Variants in NLK observed in about 807,000 individuals in gnomAD.
The protein encoded by NLK is nemo like kinase.
NLK carries 11 observed loss-of-function variants against 59.0 expected under a neutral mutation model. The ratio of observed to expected loss-of-function variants is 0.19; its 90% CI spans 0.12 to 0.31. The LOEUF is 0.31. Among genes scored for constraint, NLK ranks in the 10% least tolerant of loss-of-function variants. The pLI, the probability that NLK is intolerant of heterozygous loss-of-function variation, is 1.00. For synonymous variants in NLK, 235 were observed against 235.9 expected, an observed-to-expected ratio of 1.00 and a Z score of 0.03; for missense variants, 410 against 661.1, an observed-to-expected ratio of 0.62 and a Z score of 4.16.
Position 28,168,616 on chromosome 17 carries a change from G to A in NLK, c.1006G>A (p.Gly336Arg). The A allele has an allele frequency of 1.2e-6, 2 of 1,613,822 alleles. No homozygotes were observed. Among genetic ancestry groups the A allele is most frequent in the Non-Finnish European group, 1.7e-6 (2 of 1,179,836 alleles). ...GGGATGTATCTTTGCAGAACTACTA[G>A]GACGAAGAATATTGTTTCAGGCACA... The part of the protein sequence containing the change: ...SVGCIFAELL[G>R]RRILFQAQSP... Residue 336 changes from glycine to arginine, a missense_variant, in exon 6 of 11, where the codon GGA (glycine) becomes AGA (arginine). By Grantham distance (125) the Gly-to-Arg change is moderately radical (BLOSUM62 -2). Transcript: ENST00000407008.
Position 28,176,555 on chromosome 17 carries a change from A to G in NLK, c.1149+3937A>G, listed in dbSNP as rs1908688878. Among the ~76,000 whole-genome samples the G allele has an allele frequency of 3.3e-5, 5 of 152,312 alleles. No individual in the cohort carries two copies. In the South Asian group the frequency reaches 1.0e-3, roughly 32 times the overall value. ...TTAACAGAAGTTAAATAACATGCCT[A>G]ATGTCATAAGCCAGATGTTAAAATT... On this transcript the variant is annotated intron_variant, in intron 7 of 10. Transcript: ENST00000407008.
At chr17:28,071,127 C>CA (rs1281724745) in intron 1 of NLK, among the ~76,000 whole-genome samples, 2 of 152,090 alleles carry the variant, frequency 1.3e-5, no homozygotes, top group African/African-American at 4.8e-5. Flanking sequence ...GTGTGATAAT[C>CA]AAAAAATGTC....
At chr17:28,180,483 T>C (rs994083448) in intron 7 of NLK, among the ~76,000 whole-genome samples, 13 of 152,152 alleles carry the variant, frequency 8.5e-5, no homozygotes, top group African/African-American at 3.1e-4. Flanking sequence ...GCAATGATGT[T>C]AGGAGGCAGG....
At chr17:28,107,131 A>G (rs1048225560) in intron 1 of NLK, among the ~76,000 whole-genome samples, 21 of 152,232 alleles carry the variant, frequency 1.4e-4, no homozygotes, top group East Asian at 1.4e-3. Flanking sequence ...CGTAATATAT[A>G]TATCATAGGA....
intron 1 of NLK, among the ~76,000 whole-genome samples, chr17:28,067,737 CTT>C (rs1909880603): frequency 6.6e-6 from 1 of 151,750 alleles, no homozygotes; most frequent in Non-Finnish European, 1.5e-5. Flanking sequence ...GAGATTGAGA[CTT>C]TGGGGATTTT....
intron 1 of NLK, among the ~76,000 whole-genome samples, chr17:28,106,404 A>G (rs1009581728): frequency 2.0e-5 from 3 of 152,182 alleles, no homozygotes; most frequent in African/African-American, 7.2e-5. Flanking sequence ...TGCTTCTTAT[A>G]TGCTAACAGA....
At chr17:28,066,991 A>G (rs776333365) in intron 1 of NLK, among the ~76,000 whole-genome samples, 1 of 152,224 alleles carries the variant, frequency 6.6e-6, no homozygotes, top group Non-Finnish European at 1.5e-5. Flanking sequence ...TATTCCGGAT[A>G]TAAATCCTCT....
At chr17:28,188,949 G>A (rs1227929017) in intron 8 of NLK, among the ~76,000 whole-genome samples, 1 of 151,418 alleles carries the variant, frequency 6.6e-6, no homozygotes, top group Non-Finnish European at 1.5e-5. Flanking sequence ...GCAGGTGTCT[G>A]TGGTGAGATA....
At chr17:28,058,229 A>G (rs984831528) in intron 1 of NLK, among the ~76,000 whole-genome samples, 5 of 152,212 alleles carry the variant, frequency 3.3e-5, no homozygotes, top group African/African-American at 1.2e-4. Context: ...AGTATCTTCA[A>G]ATAAATCACT....
chr17:28,086,622 A>T (rs1366189591), intron 1 of NLK, among the ~76,000 whole-genome samples: 1 of 152,152 alleles, frequency 6.6e-6, no homozygotes, highest in African/African-American at 2.4e-5. Context: ...TTTATTTTTT[A>T]AAATATTTTT....
rs189556415 is a variant in NLK, at chr17:28,137,032, A to G, written c.644+4357A>G. ...AAAAACCTATTACCTAAAACATAAA[A>G]ATATTAAAGATTAATAGGACCTCAA... On this transcript the variant is annotated intron_variant, in intron 3 of 10. Coordinates refer to ENST00000407008, the MANE Select transcript of NLK (RefSeq NM_016231.5). Among the ~76,000 whole-genome samples the G allele has an allele frequency of 4.3e-3, 656 of 152,218 alleles. 2 individuals are homozygous for G. Among genetic ancestry groups the G allele is most frequent in the Middle Eastern group, 0.017 (5 of 294 alleles).
chr17:28,052,888 G>GTTT lies in NLK; in HGVS notation c.458+9574_458+9576dup, dbSNP rs768444319. Among the ~76,000 whole-genome samples the GTTT allele has an allele frequency of 4.8e-3, 542 of 112,484 alleles. 10 individuals carry two copies. Among genetic ancestry groups the GTTT allele is most frequent in the African/African-American group, 0.017 (512 of 30,290 alleles). 73.8% of individuals were successfully genotyped at this position (112,484 alleles called of 152,430 possible). A position where few individuals can be genotyped will look rare whatever the true frequency, so the allele number is the denominator to read the frequency against. On this transcript the variant is annotated intron_variant, in intron 1 of 10. Coordinates refer to ENST00000407008, the MANE Select transcript of NLK (RefSeq NM_016231.5). Reference sequence around the variant, plus strand: ...CAGCACCAGCATATTGATCTCTGGTGTTTTTTTTTTTTTTTTTTTGAGACA... The same window carrying GTTT: ...CAGCACCAGCATATTGATCTCTGGTGTTTTTTTTTTTTTTTTTTTTTTGAGACA...
intron 3 of NLK, among the ~76,000 whole-genome samples, chr17:28,157,021 T>C (rs575504726): frequency 6.6e-6 from 1 of 151,630 alleles, no homozygotes; most frequent in South Asian, 2.1e-4. Context: ...TTGTGGGGGG[T>C]TTTGTTTGTT....
intron 10 of NLK, among the ~76,000 whole-genome samples, chr17:28,193,669 T>C (rs1909389759): frequency 6.6e-6 from 1 of 152,186 alleles, no homozygotes; most frequent in Non-Finnish European, 1.5e-5. Flanking sequence ...TCTCCTCTCC[T>C]TTTTCTCTCT....
chr17:28,103,315 T>C (rs1044441869), intron 1 of NLK, among the ~76,000 whole-genome samples: 2 of 152,244 alleles, frequency 1.3e-5, no homozygotes, highest in African/African-American at 4.8e-5. Context: ...ATTTTTACCA[T>C]GATTTAAAAT....
rs1909422725 is a variant in NLK at position 28,194,670 on chromosome 17, G to A, written c.*34G>A. The A allele has an allele frequency of 1.3e-6, 2 of 1,500,884 alleles. No homozygotes were observed. The highest frequency in any genetic ancestry group is 9.2e-7 in the Non-Finnish European group (1 of 1,090,022). 93.0% of individuals were successfully genotyped at this position (1,500,884 alleles called of 1,614,324 possible). Reference sequence around the variant, plus strand: ...GATAATGTACTACTGAAGATGTAATGTAGCTTTCCACTGGAGTCTGGGATT... The same window carrying A: ...GATAATGTACTACTGAAGATGTAATATAGCTTTCCACTGGAGTCTGGGATT... On this transcript the variant is annotated 3_prime_UTR_variant, in exon 11 of 11. Coordinates refer to ENST00000407008, the MANE Select transcript of NLK (RefSeq NM_016231.5).
At position 28,191,739 on chromosome 17, in the gene NLK, A is replaced by G. The variant is rs34772324; in HGVS notation, c.1436-381A>G. Among the ~76,000 whole-genome samples, 1,170 of 152,268 alleles carry G rather than the reference A, an allele frequency of 7.7e-3. 14 individuals carry two copies. The highest frequency in any genetic ancestry group is 0.026 in the African/African-American group (1,099 of 41,556). On this transcript the variant is annotated intron_variant, in intron 9 of 10. Transcript: ENST00000407008. ...AAGAGAGAGAGTAGTCCCCAAAGTA[A>G]CCACCTGAAACTATACACCTAGATA...
intron 1 of NLK, among the ~76,000 whole-genome samples, chr17:28,105,320 A>G (rs530785778): frequency 1.3e-5 from 2 of 152,342 alleles, no homozygotes; most frequent in South Asian, 2.1e-4. Context: ...TGACTTCTCT[A>G]ACATGGCTAA....
At chr17:28,085,699 C>T (rs1301889041) in intron 1 of NLK, among the ~76,000 whole-genome samples, 2 of 152,226 alleles carry the variant, frequency 1.3e-5, no homozygotes, top group Admixed American at 6.5e-5. Context: ...CAAGATGGTG[C>T]CACTGCACTC....
Sources: allele counts gnomAD v4.1 joint callset (sites outside exome capture counted in the v4.1 genomes callset), GRCh38; gene constraint gnomAD v4.1.1; transcripts MANE v1.5; gene names NCBI Gene and HGNC (gene_info 2026-07-23, HGNC 2026-07-21).